The following LRFN2 variants were observed in gnomAD, a reference collection of about 807,000 sequenced individuals.
The protein encoded by LRFN2 is leucine rich repeat and fibronectin type III domain containing 2, also known as leucine-rich repeat and fibronectin type-III domain-containing protein 2.
A neutral mutation model predicts 37.3 loss-of-function variants in LRFN2; 18 were observed. The observed-to-expected ratio is 0.48, with a 90% CI of 0.33 to 0.72. The LOEUF is 0.72. Ranked by LOEUF, LRFN2 falls within the 30% of genes least tolerant of loss-of-function variation. LRFN2 has a pLI of 0.02. For missense variants in LRFN2, 1,006 were observed against 1,060.7 expected (o/e 0.95, Z 0.72); for synonymous variants, 556 against 466.6 (o/e 1.19, Z -2.47).
At chr6:40,410,581 C>T (rs913996274) in intron 2 of LRFN2, among the ~76,000 whole-genome samples, 26 of 152,186 alleles carry the variant, frequency 1.7e-4, no homozygotes. Flanking sequence ...AAGTAATGTA[C>T]ACCAAGCACT....
intron 1 of LRFN2, among the ~76,000 whole-genome samples, chr6:40,493,895 C>A (rs1287744769): frequency 1.3e-5 from 2 of 152,244 alleles, no homozygotes; most frequent in African/African-American, 4.8e-5. Flanking sequence ...AGGGCAGACA[C>A]AATCACTAGG....
At chr6:40,463,150 G>A (rs1039481903) in intron 1 of LRFN2, among the ~76,000 whole-genome samples, 17 of 152,184 alleles carry the variant, frequency 1.1e-4, no homozygotes, top group African/African-American at 4.1e-4. Context: ...AAGGTGCAAG[G>A]AGCTTGGACC....
chr6:40,432,577 G>A lies in LRFN2; in HGVS notation c.537C>T (p.Ser179=). 1.2e-6 allele frequency: 2 copies of A among 1,614,252 alleles called. No individual in the cohort carries two copies. The highest frequency in any genetic ancestry group is 2.7e-5 in the African/African-American group (2 of 75,074). The change falls in exon 2 of 3, where the codon AGC becomes AGT. Residue 179 remains serine, a synonymous_variant. Coordinates refer to ENST00000338305, the MANE Select transcript of LRFN2 (RefSeq NM_020737.3). The part of the protein sequence containing the change: ...VRRMVNLHQL[S]LDHNLLDHIA... The stretch of plus-strand genomic sequence containing the variant: ...TGTGATCCAGCAGGTTGTGGTCCAG[G>A]CTCAGCTGGTGGAGGTTGACCATGC...
intron 1 of LRFN2, among the ~76,000 whole-genome samples, chr6:40,541,425 C>T (rs1457636937): frequency 1.3e-5 from 2 of 152,186 alleles, no homozygotes; most frequent in African/African-American, 4.8e-5. Flanking sequence ...GTTCCCTGGG[C>T]CACAGCTGTG....
At chr6:40,452,044 T>C (rs1442591871) in intron 1 of LRFN2, among the ~76,000 whole-genome samples, 1 of 152,108 alleles carries the variant, frequency 6.6e-6, no homozygotes, top group African/African-American at 2.4e-5. Flanking sequence ...ACTGTAGATA[T>C]CACCATTATC....
chr6:40,423,913 C>T (rs755057656), intron 2 of LRFN2, among the ~76,000 whole-genome samples: 3 of 152,174 alleles, frequency 2.0e-5, no homozygotes, highest in Non-Finnish European at 2.9e-5. Context: ...GAACTGGGCT[C>T]CTGATGACCA....
intron 2 of LRFN2, among the ~76,000 whole-genome samples, chr6:40,393,654 G>C (rs756873942): frequency 1.1e-4 from 17 of 152,162 alleles, no homozygotes; most frequent in Non-Finnish European, 2.2e-4. Context: ...CTCTGGGATG[G>C]GCAGGGTGAG....
In LRFN2 at chr6:40,571,344, G is replaced by A. The variant is rs144206164; in HGVS notation, c.-19+15597C>T. ...AAGAATTTCTTCTTTCTCCTTCATT[G>A]ATCTGGGGACTTCACAGACCTTGGC... On this transcript the variant is annotated intron_variant, in intron 1 of 2. Coordinates refer to ENST00000338305, the MANE Select transcript of LRFN2 (RefSeq NM_020737.3). Among the ~76,000 whole-genome samples, 554 of 152,296 alleles carry A rather than the reference G, an allele frequency of 3.6e-3. 2 individuals are homozygous for A. Among genetic ancestry groups the A allele is most frequent in the African/African-American group, 0.013 (523 of 41,550 alleles).
chr6:40,534,283 G>A (rs1045692379), intron 1 of LRFN2, among the ~76,000 whole-genome samples: 5 of 152,146 alleles, frequency 3.3e-5, no homozygotes, highest in African/African-American at 4.8e-5. Flanking sequence ...TTGTTCTCAC[G>A]TTTTGGGGGT....
chr6:40,508,086 CTG>C (rs946813109), intron 1 of LRFN2, among the ~76,000 whole-genome samples: 1 of 152,210 alleles, frequency 6.6e-6, no homozygotes, highest in African/African-American at 2.4e-5. Flanking sequence ...AAGCCTAGCT[CTG>C]TTCCTTCACC....
intron 1 of LRFN2, among the ~76,000 whole-genome samples, chr6:40,456,458 G>C (rs1764237763): frequency 6.6e-6 from 1 of 152,190 alleles, no homozygotes; most frequent in Admixed American, 6.5e-5. Context: ...GCCTGAAGTA[G>C]CCTACTCTGT....
At chr6:40,576,226 C>T (rs1187523549) in intron 1 of LRFN2, among the ~76,000 whole-genome samples, 1 of 152,076 alleles carries the variant, frequency 6.6e-6, no homozygotes, top group Admixed American at 6.5e-5. Context: ...AATGCATCCT[C>T]CAATAAATAC....
intron 1 of LRFN2, among the ~76,000 whole-genome samples, chr6:40,463,290 T>C (rs1743969487): frequency 6.6e-6 from 1 of 152,232 alleles, no homozygotes; most frequent in Non-Finnish European, 1.5e-5. Flanking sequence ...TGCCCTTGGA[T>C]ATCTCTCTAC....
chr6:40,434,521 C>G (rs1763595898), intron 1 of LRFN2, among the ~76,000 whole-genome samples: 1 of 151,350 alleles, frequency 6.6e-6, no homozygotes, highest in Non-Finnish European at 1.5e-5. Flanking sequence ...CTCTGTCTCC[C>G]AGGGGAGCGC....
intron 1 of LRFN2, among the ~76,000 whole-genome samples, chr6:40,542,147 T>C (rs1766565000): frequency 6.6e-6 from 1 of 152,218 alleles, no homozygotes; most frequent in Non-Finnish European, 1.5e-5. Context: ...CTGCTGCTTT[T>C]GGCTGGATGC....
At chr6:40,548,365 TG>T (rs1766702714) in intron 1 of LRFN2, among the ~76,000 whole-genome samples, 2 of 151,734 alleles carry the variant, frequency 1.3e-5, no homozygotes, top group South Asian at 4.2e-4. Flanking sequence ...CACTTGAACC[TG>T]GGAGGCGGAG....
chr6:40,536,215 C>T (rs1766446533), intron 1 of LRFN2, among the ~76,000 whole-genome samples: 2 of 152,064 alleles, frequency 1.3e-5, no homozygotes, highest in South Asian at 2.1e-4. Flanking sequence ...GAGTGGGGGG[C>T]CGGTTCTGTC....
chr6:40,443,541 C>T lies in LRFN2; in HGVS notation c.-18-10410G>A, dbSNP rs531844973. On this transcript the variant is annotated intron_variant, in intron 1 of 2. Transcript: ENST00000338305. ...ATACTACAAATGCTTCCCCCAAGAC[C>T]AGGTGTAATCCAGGCCCTGGATCCT... Among the ~76,000 whole-genome samples, 8 of 152,314 alleles carry T rather than the reference C, an allele frequency of 5.3e-5. No individual in the cohort carries two copies. In the South Asian group the frequency reaches 1.7e-3, roughly 32 times the overall value.
intron 1 of LRFN2, among the ~76,000 whole-genome samples, chr6:40,461,648 A>T (rs909491559): frequency 3.3e-5 from 5 of 151,474 alleles, no homozygotes; most frequent in African/African-American, 1.2e-4. Flanking sequence ...GACAGAATAC[A>T]CGAGATAAAT....
Sources: gnomAD v4.1 joint callset for allele counts (sites outside exome capture counted in the v4.1 genomes callset) on GRCh38, gnomAD v4.1.1 for gene constraint, MANE v1.5 for transcripts, NCBI Gene and HGNC (gene_info 2026-07-23, HGNC 2026-07-21) for gene names.